LMBR1: variants seen among roughly 807,000 people sequenced by gnomAD.
LMBR1 encodes limb region 1 protein homolog.
A neutral mutation model predicts 73.9 loss-of-function variants in LMBR1; 52 were observed. The observed-to-expected ratio is 0.70, with a 90% CI of 0.56 to 0.89. The LOEUF is 0.89. Among genes scored for constraint, LMBR1 ranks in the 40% least tolerant of loss-of-function variants. The pLI is 0.00. For synonymous variants in LMBR1, 215 were observed against 209.4 expected (o/e 1.03, Z -0.23); for missense variants, 539 against 579.8 (o/e 0.93, Z 0.72).
chr7:156,702,371 C>T (rs1015137174), intron 15 of LMBR1, among the ~76,000 whole-genome samples: 1 of 152,174 alleles, frequency 6.6e-6, no homozygotes, highest in South Asian at 2.1e-4. Flanking sequence ...TTCTCTAATG[C>T]TCAGTGATGT....
chr7:156,718,322 C>T (rs1813685345), intron 15 of LMBR1, among the ~76,000 whole-genome samples: 1 of 151,712 alleles, frequency 6.6e-6, no homozygotes, highest in Admixed American at 6.6e-5. Flanking sequence ...ATCACTTGAA[C>T]CCAGGAGGCA....
At chr7:156,715,780 A>G (rs900147014) in intron 15 of LMBR1, among the ~76,000 whole-genome samples, 2 of 152,210 alleles carry the variant, frequency 1.3e-5, no homozygotes, top group South Asian at 4.1e-4. Flanking sequence ...TTACCTGAAT[A>G]TTCCATTATT....
intron 9 of LMBR1, among the ~76,000 whole-genome samples, chr7:156,754,619 CAAT>C (rs1351893635): frequency 1.3e-5 from 2 of 152,100 alleles, no homozygotes; most frequent in African/African-American, 2.4e-5. Context: ...AAGAGTAAAA[CAAT>C]AAACTCTTTA....
chr7:156,675,992 C>T (rs1353714278), downstream of LMBR1: 22 of 971,964 alleles, frequency 2.3e-5, no homozygotes, highest in Non-Finnish European at 3.2e-5. Flanking sequence ...CGGGGTGCAG[C>T]CGTGGAGGCT....
At chr7:156,773,792 G>C (rs1025386265) in intron 5 of LMBR1, among the ~76,000 whole-genome samples, 1 of 152,194 alleles carries the variant, frequency 6.6e-6, no homozygotes, top group African/African-American at 2.4e-5. Flanking sequence ...AGAGGCCCTG[G>C]CAAAGATTTC....
At chr7:156,705,080 G>A (rs1444810204) in intron 15 of LMBR1, among the ~76,000 whole-genome samples, 1 of 152,104 alleles carries the variant, frequency 6.6e-6, no homozygotes, top group East Asian at 1.9e-4. Context: ...CCAAATACAG[G>A]AGGTCCAGTG....
At chr7:156,875,252 A>C (rs1008398058) in intron 1 of LMBR1, among the ~76,000 whole-genome samples, 9 of 152,208 alleles carry the variant, frequency 5.9e-5, no homozygotes, top group Non-Finnish European at 1.3e-4. Flanking sequence ...ACAAAGACAA[A>C]GAAAAATGAA....
intron 5 of LMBR1, among the ~76,000 whole-genome samples, chr7:156,787,513 C>T (rs1465879103): frequency 6.6e-6 from 1 of 152,144 alleles, no homozygotes; most frequent in Non-Finnish European, 1.5e-5. Context: ...TATAATCAGG[C>T]TCAAATAAAG....
At chr7:156,794,660 A>C (rs1563376516) in intron 5 of LMBR1, among the ~76,000 whole-genome samples, 1 of 152,212 alleles carries the variant, frequency 6.6e-6, no homozygotes. Flanking sequence ...TATAATGTCA[A>C]ATATGAAAAT....
At chr7:156,848,275 T>C (rs539041418) in intron 1 of LMBR1, among the ~76,000 whole-genome samples, 2 of 152,040 alleles carry the variant, frequency 1.3e-5, no homozygotes, top group Admixed American at 6.6e-5. Flanking sequence ...TAAAGAAATA[T>C]CAACCGTAAA....
intron 5 of LMBR1, among the ~76,000 whole-genome samples, chr7:156,782,335 A>C (rs981480379): frequency 6.6e-6 from 1 of 152,220 alleles, no homozygotes. Flanking sequence ...GTATATCCAG[A>C]AGTGGAATTG....
intron 1 of LMBR1, among the ~76,000 whole-genome samples, chr7:156,858,026 C>A (rs73503927): frequency 0.015 from 2,145 of 147,460 alleles, 45 homozygotes; most frequent in African/African-American, 0.05. Context: ...AGCTTCTACA[C>A]CTTAGGAAAC....
chr7:156,681,104 G>A lies in LMBR1; in HGVS notation c.*2974C>T. 1 of 416,338 alleles carries A rather than the reference G, an allele frequency of 2.4e-6. No homozygotes were observed. Among genetic ancestry groups the A allele is most frequent in the Non-Finnish European group, 4.6e-6 (1 of 215,580 alleles). 25.8% of individuals were successfully genotyped at this position (416,338 alleles called of 1,614,324 possible). On this transcript the variant is annotated 3_prime_UTR_variant, in exon 17 of 17. Coordinates refer to ENST00000353442, the MANE Select transcript of LMBR1 (RefSeq NM_022458.4). ...TCACATTAAAAAAAAAAACTTGTAA[G>A]AATTCTGCCTTTATGCATTAAATAA...
intron 1 of LMBR1, among the ~76,000 whole-genome samples, chr7:156,851,965 G>A (rs1208733686): frequency 2.0e-5 from 3 of 152,084 alleles, no homozygotes; most frequent in African/African-American, 4.8e-5. Flanking sequence ...ATTCAATACT[G>A]TTATTCCTGG....
At chr7:156,761,521 G>T (rs1013389291) in intron 8 of LMBR1, among the ~76,000 whole-genome samples, 1 of 152,030 alleles carries the variant, frequency 6.6e-6, no homozygotes, top group Non-Finnish European at 1.5e-5. Context: ...GGTACTTTTT[G>T]ATATTAGGCA....
intron 4 of LMBR1, among the ~76,000 whole-genome samples, chr7:156,815,776 G>A (rs575916710): frequency 4.6e-5 from 7 of 152,050 alleles, no homozygotes; most frequent in Non-Finnish European, 1.0e-4. Flanking sequence ...TCAAATTGTT[G>A]TAACCATGAA....
At chr7:156,888,679 A>G in intron 1 of LMBR1, among the ~76,000 whole-genome samples, 1 of 152,218 alleles carries the variant, frequency 6.6e-6, no homozygotes, top group East Asian at 1.9e-4. Flanking sequence ...GCACTTTGGG[A>G]GGCCAGGGTG....
chr7:156,723,656 G>A (rs1250311432), intron 15 of LMBR1, among the ~76,000 whole-genome samples: 1 of 152,108 alleles, frequency 6.6e-6, no homozygotes, highest in African/African-American at 2.4e-5. Context: ...CTTTGAATCA[G>A]AGTGTGTTCT....
At chr7:156,758,015 A>G (rs1822229431) in intron 8 of LMBR1, among the ~76,000 whole-genome samples, 1 of 152,386 alleles carries the variant, frequency 6.6e-6, no homozygotes, top group African/African-American at 2.4e-5. Flanking sequence ...CCATCCTATG[A>G]GGAAGAAAGG....
Sources: allele counts gnomAD v4.1 joint callset (sites outside exome capture counted in the v4.1 genomes callset), GRCh38; gene constraint gnomAD v4.1.1; transcripts MANE v1.5; gene names NCBI Gene and HGNC (gene_info 2026-07-23, HGNC 2026-07-21).